The following CNTN2 variants were observed in gnomAD, a reference collection of about 807,000 sequenced individuals.
CNTN2 encodes the protein contactin-2.
A neutral mutation model predicts 117.5 loss-of-function variants in CNTN2; 53 were observed. The observed-to-expected ratio is 0.45, with a 90% confidence interval of 0.36 to 0.57. The LOEUF is 0.57. CNTN2 is among the 20% of genes least tolerant of loss of function. The probability of loss-of-function intolerance (pLI) is 0.00; values close to 1 mark genes in which losing one functional copy is unlikely to be tolerated. For missense variants in CNTN2, 1,106 were observed against 1,404.3 expected (o/e 0.79, Z 3.39); for synonymous variants, 530 against 561.7 (o/e 0.94, Z 0.80).
chr1:205,064,182 A>G, intron 10 of CNTN2, 140 bp from the exon 11 acceptor site: 1 of 924,406 alleles, frequency 1.1e-6, no homozygotes, highest in Non-Finnish European at 1.6e-6. Context: ...AGGCCAGAGA[A>G]AAAAGGGCTT....
At chr1:205,064,984 C>G in intron 12 of CNTN2, 103 bp from the exon 13 acceptor site, 1 of 1,364,576 alleles carries the variant, frequency 7.3e-7, no homozygotes, top group South Asian at 1.3e-5. Flanking sequence ...ACCACCTCTT[C>G]TCTTTGCTGG....
chr1:205,063,064 T>C (rs1205006367), intron 10 of CNTN2: 2 of 152,394 alleles, frequency 1.3e-5, no homozygotes, highest in Non-Finnish European at 2.9e-5. Flanking sequence ...TATTTAGTTG[T>C]GTGACTTGAG....
chr1:205,070,879 C>T (rs61824673), intron 19 of CNTN2: 317 of 168,246 alleles, frequency 1.9e-3, no homozygotes, highest in Non-Finnish European at 3.4e-3. Context: ...GCCTGTAATC[C>T]CAGCTACTCA....
Position 205,061,530 on chromosome 1 carries a change from T to A in CNTN2, c.973+110T>A, listed in dbSNP as rs539460481. On this transcript the variant is annotated intron_variant, in intron 8 of 22. Coordinates refer to ENST00000331830, the MANE Select transcript of CNTN2 (RefSeq NM_005076.5). The surrounding 1 kb of genome is among the most constrained non-coding windows in gnomAD (Gnocchi z 4.8). ...TCAGGGAGGAGACTGGGAGGCCCCCTGCATGAGCCTGCTTGCCCTAGGACT... is the reference window on the plus strand; with the variant it reads ...TCAGGGAGGAGACTGGGAGGCCCCCAGCATGAGCCTGCTTGCCCTAGGACT... 1.3e-5 allele frequency: 16 copies of A among 1,265,384 alleles called. No homozygotes were observed. Among genetic ancestry groups the A allele is most frequent in the Non-Finnish European group, 1.6e-5 (15 of 931,410 alleles). The allele number at this position is 1,265,384 out of a possible 1,614,324, so 78.4% of individuals were successfully genotyped here. A position where few individuals can be genotyped will look rare whatever the true frequency, so the allele number is the denominator to read the frequency against.
chr1:205,043,595 C>T (rs2096435872), intron 1 of CNTN2, among the ~76,000 whole-genome samples: 1 of 152,186 alleles, frequency 6.6e-6, no homozygotes, highest in Non-Finnish European at 1.5e-5. Context: ...TCCGCCCTGT[C>T]TACGTGGGCG....
intron 16 of CNTN2, chr1:205,069,208 G>A: frequency 2.3e-6 from 1 of 432,742 alleles, no homozygotes. Flanking sequence ...TCTCATTATG[G>A]CCTCTGAGAG....
intron 16 of CNTN2, 32 bp downstream of exon 16, chr1:205,067,282 A>G (rs754325140): frequency 5.0e-6 from 8 of 1,599,100 alleles, no homozygotes; most frequent in Non-Finnish European, 6.8e-6. Context: ...AAAAGCTATC[A>G]TCAGGGCAGA....
At chr1:205,064,773 GC>G in intron 12 of CNTN2, 23 bp downstream of exon 12, 2 of 1,612,648 alleles carry the variant, frequency 1.2e-6, no homozygotes, top group Non-Finnish European at 1.7e-6. Context: ...ATGTGGGTAG[GC>G]CGGGGGCTCA....
At chr1:205,066,043 C>G in intron 14 of CNTN2, 134 bp downstream of exon 14, 1 of 1,054,292 alleles carries the variant, frequency 9.5e-7, no homozygotes, top group Non-Finnish European at 1.4e-6. Context: ...CTCCTGTGAG[C>G]TGGATATACC....
intron 1 of CNTN2, among the ~76,000 whole-genome samples, chr1:205,043,959 T>C (rs1467642293): frequency 6.6e-6 from 1 of 152,126 alleles, no homozygotes; most frequent in Non-Finnish European, 1.5e-5. Context: ...GGCAAGGGCC[T>C]GTCCAGGAAC....
Position 205,073,567 on chromosome 1 carries a change from G to A in CNTN2, c.3014-89G>A, listed in dbSNP as rs1654709074. On this transcript the variant is annotated intron_variant, in intron 22 of 22. Coordinates refer to ENST00000331830, the MANE Select transcript of CNTN2 (RefSeq NM_005076.5). The surrounding 1 kb of genome is among the most constrained non-coding windows in gnomAD (Gnocchi z 6.3). ...CTCCCAGGCCTGCAGCTGGCCCTGTGAGTCTCCTTAGGAAAGGTCTCAATC... is the reference window on the plus strand; with the variant it reads ...CTCCCAGGCCTGCAGCTGGCCCTGTAAGTCTCCTTAGGAAAGGTCTCAATC... 3.3e-6 allele frequency: 4 copies of A among 1,195,408 alleles called. No individual in the cohort carries two copies. The highest frequency in any genetic ancestry group is 2.6e-5 in the South Asian group (2 of 77,396). 74.1% of individuals were successfully genotyped at this position (1,195,408 alleles called of 1,614,324 possible). A position where few individuals can be genotyped will look rare whatever the true frequency, so the allele number is the denominator to read the frequency against.
In CNTN2 at chr1:205,058,655, A is replaced by T. The variant is rs1327945426; in HGVS notation, c.479A>T (p.His160Leu). 6.2e-6 allele frequency: 10 copies of T among 1,613,778 alleles called. No homozygotes were observed. Among genetic ancestry groups the T allele is most frequent in the Non-Finnish European group, 8.5e-6 (10 of 1,179,844 alleles). Residue 160 changes from histidine to leucine, a missense_variant, in exon 5 of 23, where the codon CAC becomes CTC. By Grantham distance (99) the His-to-Leu change is moderately conservative. Transcript: ENST00000331830. The surrounding 1 kb of genome is among the most constrained non-coding windows in gnomAD (Gnocchi z 4.3). Reference protein sequence around the residue: ...GVMLPCNPPAHYPGLSYRWLL... With the variant: ...GVMLPCNPPALYPGLSYRWLL... ...ATGTTGCCCTGTAACCCACCTGCCC[A>T]CTACCCAGGTGAGTCCAGACCTGGG...
intron 15 of CNTN2, 37 bp downstream of exon 15, chr1:205,066,636 G>T (rs752971515): frequency 2.7e-5 from 43 of 1,607,860 alleles, no homozygotes; most frequent in Non-Finnish European, 3.6e-5. Context: ...TGCTGATAAG[G>T]CTCGACTGGG....
intron 10 of CNTN2, among the ~76,000 whole-genome samples, chr1:205,063,942 A>T (rs541577144): frequency 2.0e-5 from 3 of 152,092 alleles, no homozygotes; most frequent in Non-Finnish European, 4.4e-5. Flanking sequence ...AACATAATGA[A>T]TGGGGGATAG....
At position 205,067,247 on chromosome 1, in the gene CNTN2, G is replaced by A; in HGVS notation, c.2122G>A (p.Ala708Thr). Residue 708 changes from alanine to threonine, a missense_variant, in exon 16 of 23, where the codon GCA becomes ACA. By Grantham distance (58) the Ala-to-Thr change is moderately conservative (BLOSUM62 0). Coordinates refer to ENST00000331830, the MANE Select transcript of CNTN2 (RefSeq NM_005076.5). ...GPSSKIRTRE[A>T]APSVAPSGLS... Reference sequence around the variant, plus strand: ...CTCCAGCAAAATCCGGACCAGGGAAGCAGGTGAGAGTCCTGTGTGTCCCAA... The same window carrying A: ...CTCCAGCAAAATCCGGACCAGGGAAACAGGTGAGAGTCCTGTGTGTCCCAA... 2.5e-6 allele frequency: 4 copies of A among 1,612,452 alleles called. No individual in the cohort carries two copies. The highest frequency in any genetic ancestry group is 2.5e-6 in the Non-Finnish European group (3 of 1,179,168).
Position 205,072,562 on chromosome 1 carries a change from T to C in CNTN2, c.2811T>C (p.Pro937=). The C allele has an allele frequency of 6.2e-7, 1 of 1,613,994 alleles. No homozygotes were observed. The highest frequency in any genetic ancestry group is 8.5e-7 in the Non-Finnish European group (1 of 1,179,864). Residue 937 remains proline, a synonymous_variant, in exon 21 of 23, where the codon CCT becomes CCC. Transcript: ENST00000331830. ...SLSIKWDPVV[P]FRNESAVTGY... ...GCATTAAGTGGGACCCTGTGGTCCC[T>C]TTCCGAAATGAGTCTGCAGTCACCG... is the stretch of plus-strand genomic sequence containing the variant.
Position 205,070,450 on chromosome 1 carries a change from T to G in CNTN2, c.2456T>G (p.Val819Gly). ...GAGCCCAGGGTGGCCCCTACCAAGGTGTGGGCCAAAGGGGTCTCATCCTCA... is the reference window on the plus strand; with the variant it reads ...GAGCCCAGGGTGGCCCCTACCAAGGGGTGGGCCAAAGGGGTCTCATCCTCA... ...EEEPRVAPTK[V>G]WAKGVSSSEM... is the part of the protein sequence containing the mutation. The change falls in exon 19 of 23, where the codon GTG (valine) becomes GGG (glycine). Residue 819 changes from valine (V) to glycine (G), a missense_variant. Coordinates refer to ENST00000331830, the MANE Select transcript of CNTN2 (RefSeq NM_005076.5). 3.1e-6 allele frequency: 5 copies of G among 1,613,716 alleles called. No individual in the cohort carries two copies. The highest frequency in any genetic ancestry group is 4.2e-6 in the Non-Finnish European group (5 of 1,179,866).
chr1:205,045,296 G>A (rs1349759673), intron 1 of CNTN2, among the ~76,000 whole-genome samples: 3 of 151,930 alleles, frequency 2.0e-5, no homozygotes, highest in South Asian at 4.2e-4. Flanking sequence ...GCCTCCCGCC[G>A]CCACCATTTC....
intron 15 of CNTN2, among the ~76,000 whole-genome samples, chr1:205,066,816 G>A (rs1654316007): frequency 6.6e-6 from 1 of 152,168 alleles, no homozygotes; most frequent in Non-Finnish European, 1.5e-5. Context: ...TAGAAGAGGA[G>A]GCGCTTGGTC....
Sources: gnomAD v4.1 joint callset for allele counts (sites outside exome capture counted in the v4.1 genomes callset) on GRCh38, gnomAD v4.1.1 for gene constraint, Gnocchi (gnomAD v3.1) non-coding constraint, MANE v1.5 for transcripts, NCBI Gene and HGNC (gene_info 2026-07-23, HGNC 2026-07-21) for gene names.